FABP12: variants seen among roughly 807,000 people sequenced by gnomAD.
FABP12 encodes the protein fatty acid binding protein 12.
FABP12 carries 19 observed loss-of-function variants against 13.7 expected under a neutral mutation model. The observed-to-expected ratio is 1.39, with a 90% confidence interval of 0.97 to 2.04. FABP12 has a LOEUF of 2.04. Ranked by LOEUF, FABP12 falls within the 30% of genes most tolerant of loss-of-function variation. FABP12 has a pLI of 0.00. For missense variants in FABP12, 182 were observed against 164.2 expected (o/e 1.11, Z -0.59); for synonymous variants, 61 against 57.0 (o/e 1.07, Z -0.32).
exon 2 of FABP12, chr8:81,531,319 G>C (rs371517951): frequency 6.3e-7 from 1 of 1,594,014 alleles, no homozygotes; most frequent in Admixed American, 1.7e-5. Flanking sequence ...CAATCATTCT[G>C]TCTGAGATAA....
chr8:81,571,358 G>C (rs564402030), intron 1 of FABP12, among the ~76,000 whole-genome samples: 1 of 152,308 alleles, frequency 6.6e-6, no homozygotes, highest in African/African-American at 2.4e-5. Flanking sequence ...TCATCCCGAT[G>C]TGGAGTGGAC....
At chr8:81,538,771 G>A (rs1237670934), upstream of FABP12, among the ~76,000 whole-genome samples, 1 of 152,048 alleles carries the variant, frequency 6.6e-6, no homozygotes, top group East Asian at 1.9e-4. Context: ...GGCAACCCCA[G>A]GAAAGTAATA....
At chr8:81,563,641 A>G (rs900135023) in intron 1 of FABP12, among the ~76,000 whole-genome samples, 1 of 152,218 alleles carries the variant, frequency 6.6e-6, no homozygotes, top group Non-Finnish European at 1.5e-5. Flanking sequence ...TGCAACTGAC[A>G]TACTGAAGAA....
At chr8:81,555,269 G>C (rs1346272929) in intron 1 of FABP12, among the ~76,000 whole-genome samples, 3 of 152,204 alleles carry the variant, frequency 2.0e-5, no homozygotes, top group African/African-American at 7.2e-5. Context: ...AGGCACAGGA[G>C]AGAACAAGAC....
At chr8:81,568,601 C>A (rs546738962) in intron 1 of FABP12, among the ~76,000 whole-genome samples, 115 of 152,244 alleles carry the variant, frequency 7.6e-4, no homozygotes, top group Non-Finnish European at 1.6e-3. Flanking sequence ...AATAGAACTA[C>A]CACATGATGC....
At chr8:81,578,394 G>A (rs1810089681) in intron 1 of FABP12, among the ~76,000 whole-genome samples, 1 of 151,984 alleles carries the variant, frequency 6.6e-6, no homozygotes, top group African/African-American at 2.4e-5. Flanking sequence ...AGGCTTATGG[G>A]AAATAATAAC....
chr8:81,526,979 G>T, intron 4 of FABP12, 41 bp downstream of exon 4: 1 of 1,124,594 alleles, frequency 8.9e-7, no homozygotes, highest in Non-Finnish European at 1.3e-6. Flanking sequence ...TATATTAGTC[G>T]TTGCAGAAGG....
In FABP12 at chr8:81,531,294, T is replaced by C. The variant is rs773223250; in HGVS notation, c.22A>G (p.Thr8Ala). The C allele has an allele frequency of 5.6e-6, 9 of 1,604,180 alleles. No homozygotes were observed. The highest frequency in any genetic ancestry group is 7.7e-6 in the Non-Finnish European group (9 of 1,174,928). Residue 8 changes from threonine to alanine, a missense_variant, in exon 2 of 5, where the codon ACA becomes GCA. Physicochemically the swap from Thr to Ala is moderately conservative, Grantham distance 58 (BLOSUM62 0). Transcript: ENST00000360464. The stretch of plus-strand genomic sequence containing the variant: ...TTTTCACAAGAAATGGACTTCCATG[T>C]TCCTTGGAGCTGGTCAATCATTCTG...
intron 1 of FABP12, among the ~76,000 whole-genome samples, chr8:81,531,853 G>C (rs1426151522): frequency 5.3e-5 from 8 of 152,094 alleles, no homozygotes; most frequent in Admixed American, 3.3e-4. Context: ...TTTAGTAAGG[G>C]CTAGAACAAC....
chr8:81,565,056 G>A (rs1229393823), intron 1 of FABP12, among the ~76,000 whole-genome samples: 1 of 151,686 alleles, frequency 6.6e-6, no homozygotes, highest in East Asian at 1.9e-4. Context: ...AGACAAAATA[G>A]ATTTCAAGAA....
intron 1 of FABP12, among the ~76,000 whole-genome samples, chr8:81,547,233 G>A (rs565130097): frequency 1.3e-3 from 203 of 152,302 alleles, no homozygotes; most frequent in Non-Finnish European, 2.5e-3. Context: ...GTGTTTGTGT[G>A]AACACAGGCA....
intron 3 of FABP12, 194 bp downstream of exon 3, chr8:81,529,244 C>A: frequency 1.6e-6 from 1 of 617,318 alleles, no homozygotes. Context: ...GGGCCTCTGG[C>A]AGTGAGCAGG....
chr8:81,562,318 G>T (rs1163638726), intron 1 of FABP12, among the ~76,000 whole-genome samples: 1 of 152,200 alleles, frequency 6.6e-6, no homozygotes, highest in Non-Finnish European at 1.5e-5. Context: ...AGATGTGTTG[G>T]CTTCAGGGGT....
intron 1 of FABP12, among the ~76,000 whole-genome samples, chr8:81,552,918 T>A (rs184652714): frequency 6.6e-6 from 1 of 152,312 alleles, no homozygotes; most frequent in Non-Finnish European, 1.5e-5. Flanking sequence ...ATGGGACCAG[T>A]CATGTTTTAG....
intron 1 of FABP12, among the ~76,000 whole-genome samples, chr8:81,559,904 G>A (rs1670455408): frequency 6.6e-6 from 1 of 152,144 alleles, no homozygotes; most frequent in Non-Finnish European, 1.5e-5. Flanking sequence ...CAAGCGGAAA[G>A]GATTTCCACA....
At chr8:81,582,831 T>G (rs1405789921) in intron 1 of FABP12, among the ~76,000 whole-genome samples, 1 of 152,164 alleles carries the variant, frequency 6.6e-6, no homozygotes, top group East Asian at 1.9e-4. Flanking sequence ...AATATTGGAT[T>G]TAAACTGAAC....
upstream of FABP12, among the ~76,000 whole-genome samples, chr8:81,538,394 G>A (rs973171092): frequency 6.6e-6 from 1 of 152,200 alleles, no homozygotes; most frequent in Non-Finnish European, 1.5e-5. Context: ...ACTTGTAAAT[G>A]TGACCTTCTT....
chr8:81,556,919 C>G (rs1809630197), intron 1 of FABP12, among the ~76,000 whole-genome samples: 1 of 128,298 alleles, frequency 7.8e-6, no homozygotes, highest in Non-Finnish European at 1.6e-5. Context: ...GAGTCTTGCT[C>G]TGTCACCCAG....
Position 81,526,943 on chromosome 8 carries a change from C to T in FABP12, c.348+77G>A, listed in dbSNP as rs147223804. The T allele has an allele frequency of 1.3e-3, 1,071 of 818,422 alleles. 11 individuals are homozygous for T. The African/African-American group carries it at 0.017, about 13-fold the overall frequency. The allele number at this position is 818,422 out of a possible 1,614,324, so 50.7% of individuals were successfully genotyped here. ...GAACAAGGAAAATGGCATTCATTTT[C>T]ATTGTTTGAGAACAAGTTGTGATTT... On this transcript the variant is annotated intron_variant, in intron 4 of 4. Coordinates refer to ENST00000360464, the Ensembl canonical transcript of FABP12.
Sources: gnomAD v4.1 joint callset for allele counts (sites outside exome capture counted in the v4.1 genomes callset) on GRCh38, gnomAD v4.1.1 for gene constraint, MANE v1.5 for transcripts, NCBI Gene and HGNC (gene_info 2026-07-23, HGNC 2026-07-21) for gene names.